Variants in POU3F3 observed in about 807,000 individuals in gnomAD.
POU3F3 encodes POU class 3 homeobox 3.
Under a neutral mutation model 8.6 loss-of-function variants are expected in POU3F3, and 1 was observed. The observed-to-expected ratio is 0.12, with a 90% CI of 0.04 to 0.55. The LOEUF (loss-of-function observed/expected upper bound fraction) is 0.55, where lower values mean the gene tolerates loss of function less well. Among genes scored for constraint, POU3F3 ranks in the 20% least tolerant of loss-of-function variants. The pLI is 0.91. For missense variants in POU3F3, 577 were observed against 690.7 expected, an observed-to-expected ratio of 0.84 and a Z score of 1.84; for synonymous variants, 418 against 327.4, an observed-to-expected ratio of 1.28 and a Z score of -2.99.
At chr2:104,862,283 G>C (rs1676668851), downstream of POU3F3, among the ~76,000 whole-genome samples, 1 of 152,224 alleles carries the variant, frequency 6.6e-6, no homozygotes, top group South Asian at 2.1e-4. Flanking sequence ...AGTGACCTCA[G>C]AGGGGTCTGG....
In POU3F3 at chr2:104,856,345, C is replaced by T; in HGVS notation, c.835C>T (p.His279Tyr). The part of the protein sequence containing the change: ...EHHHHHHHHA[H>Y]PHPPHPHHAQ... ...CCACCACCACCACCACCACCACGCG[C>T]ATCCTCACCCGCCGCACCCGCACCA... The change falls in exon 1 of 1, where the codon CAT (histidine) becomes TAT (tyrosine). Residue 279 changes from histidine to tyrosine, a missense_variant. His to Tyr is a moderately conservative substitution (Grantham distance 83, BLOSUM62 2). This residue lies in a region of POU3F3 where 484 missense variants were observed against 422.6 expected (regional missense o/e 1.15). Coordinates refer to ENST00000361360, the MANE Select transcript of POU3F3 (RefSeq NM_006236.3). The T allele has an allele frequency of 6.6e-7, 1 of 1,513,352 alleles. No individual in the cohort carries two copies. The highest frequency in any genetic ancestry group is 8.8e-7 in the Non-Finnish European group (1 of 1,136,138). The allele number at this position is 1,513,352 out of a possible 1,614,324, so 93.7% of individuals were successfully genotyped here.
the POU3F3 span, among the ~76,000 whole-genome samples, chr2:104,886,865 G>A: frequency 3.3e-5 from 5 of 151,924 alleles, no homozygotes; most frequent in African/African-American, 9.7e-5. Context: ...CTGAGATCAC[G>A]CTATTGCACT....
rs1676552822 is a variant in POU3F3 at position 104,855,888 on chromosome 2, C to T, written c.378C>T (p.Ala126=). ...VEASSPWSGS[A]VGMAGSPQQP... ...CGAGCTCGCCGTGGTCGGGCAGCGC[C>T]GTGGGCATGGCTGGCAGCCCCCAGC... Residue 126 remains alanine (A), a synonymous_variant, in exon 1 of 1, where the codon GCC becomes GCT. Transcript: ENST00000361360. 4.7e-6 allele frequency: 5 copies of T among 1,060,510 alleles called. No individual in the cohort carries two copies. Among genetic ancestry groups the T allele is most frequent in the Non-Finnish European group, 5.7e-6 (5 of 883,962 alleles). The allele number at this position is 1,060,510 out of a possible 1,614,324, so 65.7% of individuals were successfully genotyped here.
the POU3F3 span, among the ~76,000 whole-genome samples, chr2:104,896,119 T>C: frequency 6.6e-6 from 1 of 152,112 alleles, no homozygotes; most frequent in Admixed American, 6.5e-5. Context: ...TAAGGCAGGA[T>C]TGAGTAACAG....
chr2:104,883,588 T>G, the POU3F3 span, among the ~76,000 whole-genome samples: 98,345 of 151,970 alleles, frequency 0.65, 32,330 homozygotes, highest in East Asian at 0.87. Flanking sequence ...ACCATTCTCA[T>G]CCCATTTCTC....
chr2:104,877,141 G>T, the POU3F3 span, among the ~76,000 whole-genome samples: 4 of 152,136 alleles, frequency 2.6e-5, no homozygotes, highest in Non-Finnish European at 5.9e-5. Context: ...TATGTTTGGG[G>T]GCGCTGGGAC....
chr2:104,870,214 A>C, the POU3F3 span, among the ~76,000 whole-genome samples: 1 of 152,130 alleles, frequency 6.6e-6, no homozygotes, highest in African/African-American at 2.4e-5. Context: ...ATCCTGTTAC[A>C]TGTGCAGGAT....
At chr2:104,900,424 C>T in the POU3F3 span, among the ~76,000 whole-genome samples, 2 of 152,150 alleles carry the variant, frequency 1.3e-5, no homozygotes, top group South Asian at 2.1e-4. Context: ...AATAATTTGA[C>T]ATGATGTTTA....
chr2:104,899,461 G>A, the POU3F3 span, among the ~76,000 whole-genome samples: 1 of 152,198 alleles, frequency 6.6e-6, no homozygotes, highest in Non-Finnish European at 1.5e-5. Context: ...TCTCTCTATA[G>A]AATTTATCTA....
downstream of POU3F3, among the ~76,000 whole-genome samples, chr2:104,860,340 A>G (rs976881286): frequency 1.3e-5 from 2 of 152,172 alleles, no homozygotes; most frequent in Admixed American, 6.5e-5. Context: ...AATGAAATTC[A>G]TGGTTGAAAA....
the POU3F3 span, among the ~76,000 whole-genome samples, chr2:104,897,149 G>A: frequency 3.8e-3 from 580 of 152,324 alleles, 6 homozygotes; most frequent in African/African-American, 0.013. Flanking sequence ...GAGATGCCAA[G>A]GTTGGCATTG....
chr2:104,922,330 G>T, the POU3F3 span, among the ~76,000 whole-genome samples: 1 of 140,672 alleles, frequency 7.1e-6, no homozygotes, highest in South Asian at 2.2e-4. Flanking sequence ...AGCCATCCTG[G>T]AGAAAGACCA....
chr2:104,867,793 G>T, the POU3F3 span: 1 of 165,208 alleles, frequency 6.1e-6, no homozygotes, highest in South Asian at 1.5e-4. This position sits in a 1 kb window ranked among gnomAD's most constrained non-coding sequence, Gnocchi z 5.0. Context: ...GGAGCTGGTG[G>T]GGTTGGCAGG....
At chr2:104,902,434 C>T in the POU3F3 span, among the ~76,000 whole-genome samples, 2 of 152,100 alleles carry the variant, frequency 1.3e-5, no homozygotes, top group Non-Finnish European at 2.9e-5. Context: ...GTTCCAGAAC[C>T]TTCACTGTCA....
At chr2:104,886,076 C>T in the POU3F3 span, among the ~76,000 whole-genome samples, 4 of 152,110 alleles carry the variant, frequency 2.6e-5, 1 homozygote, top group South Asian at 4.2e-4. Context: ...GGATTATAGG[C>T]GTGAGCCACC....
the POU3F3 span, among the ~76,000 whole-genome samples, chr2:104,910,323 CT>C: frequency 6.6e-6 from 1 of 152,100 alleles, no homozygotes; most frequent in African/African-American, 2.4e-5. Flanking sequence ...TTTGGCTCCC[CT>C]AAGACTCAGA....
chr2:104,878,710 C>A, the POU3F3 span, among the ~76,000 whole-genome samples: 1 of 152,158 alleles, frequency 6.6e-6, no homozygotes, highest in Admixed American at 6.5e-5. Context: ...CCATCCTTAC[C>A]ACCTCCTGGT....
chr2:104,896,194 G>C, the POU3F3 span, among the ~76,000 whole-genome samples: 1 of 152,234 alleles, frequency 6.6e-6, no homozygotes, highest in Non-Finnish European at 1.5e-5. Context: ...GTCTCTAGCT[G>C]TGTGTTGCTT....
chr2:104,870,315 G>A, the POU3F3 span, among the ~76,000 whole-genome samples: 2 of 152,200 alleles, frequency 1.3e-5, no homozygotes, highest in African/African-American at 4.8e-5. Context: ...TGGGGAGGGG[G>A]GCTCATGGCT....
Sources: allele counts gnomAD v4.1 joint callset (sites outside exome capture counted in the v4.1 genomes callset), GRCh38; gene constraint gnomAD v4.1.1; regional missense constraint gnomAD v4.1.1; non-coding constraint Gnocchi (gnomAD v3.1); transcripts MANE v1.5; gene names NCBI Gene and HGNC (gene_info 2026-07-23, HGNC 2026-07-21).